The following RAP1B variants were observed in gnomAD, a reference collection of about 807,000 sequenced individuals.
RAP1B encodes the protein ras-related protein Rap-1b.
RAP1B carries 1 observed loss-of-function variant against 27.5 expected under a neutral mutation model. The ratio of observed to expected loss-of-function variants is 0.04; its 90% confidence interval spans 0.01 to 0.17. The LOEUF (loss-of-function observed/expected upper bound fraction) is 0.17, where lower values mean the gene tolerates loss of function less well. Among genes scored for constraint, RAP1B ranks in the 10% least tolerant of loss-of-function variants. RAP1B has a pLI of 1.00. For synonymous variants in RAP1B, 75 were observed against 73.1 expected, an observed-to-expected ratio of 1.03 and a Z score of -0.13; for missense variants, 84 against 214.8, an observed-to-expected ratio of 0.39 and a Z score of 3.81.
At chr12:68,632,630 G>C (rs573532024) in intron 1 of RAP1B, among the ~76,000 whole-genome samples, 41 of 152,122 alleles carry the variant, frequency 2.7e-4, no homozygotes, top group African/African-American at 9.6e-4. Context: ...CAGTAGGTTT[G>C]GTTTATGGTT....
intron 1 of RAP1B, among the ~76,000 whole-genome samples, chr12:68,623,452 T>G (rs995787406): frequency 2.0e-5 from 3 of 152,342 alleles, no homozygotes; most frequent in Non-Finnish European, 4.4e-5. Flanking sequence ...TATAGGGCCA[T>G]AATCCCTTAT....
intron 1 of RAP1B, among the ~76,000 whole-genome samples, chr12:68,634,063 A>C (rs557068482): frequency 6.1e-4 from 93 of 152,304 alleles, no homozygotes; most frequent in African/African-American, 1.9e-3. Flanking sequence ...AGACTTGATA[A>C]TGGAGTGAAG....
chr12:68,616,409 C>T (rs1290369924), intron 1 of RAP1B, among the ~76,000 whole-genome samples: 4 of 151,342 alleles, frequency 2.6e-5, no homozygotes, highest in Middle Eastern at 3.5e-3. Context: ...CTAAGCCTCC[C>T]GAGTAGCTGG....
intron 1 of RAP1B, among the ~76,000 whole-genome samples, chr12:68,645,956 CAG>C (rs1008077203): frequency 5.3e-5 from 8 of 151,980 alleles, no homozygotes; most frequent in African/African-American, 1.9e-4. Flanking sequence ...TTTTAATCAA[CAG>C]TAATAAATAA....
chr12:68,663,708 G>A lies in RAP1B; in HGVS notation c.*4459G>A, dbSNP rs1874726050. The A allele has an allele frequency of 6.6e-6, 1 of 152,138 alleles. No homozygotes were observed. The highest frequency in any genetic ancestry group is 1.5e-5 in the Non-Finnish European group (1 of 68,020). The allele number at this position is 152,138 out of a possible 1,614,324, so 9.4% of individuals were successfully genotyped here. On this transcript the variant is annotated 3_prime_UTR_variant, in exon 8 of 8. Transcript: ENST00000250559. The stretch of plus-strand genomic sequence containing the variant: ...AGGTTACTGACCTTAGGAATTACAG[G>A]CTTTATCCAAAATTAGGCATATCTA...
intron 1 of RAP1B, among the ~76,000 whole-genome samples, chr12:68,631,661 C>T (rs1020208770): frequency 1.3e-5 from 2 of 152,122 alleles, no homozygotes; most frequent in Non-Finnish European, 2.9e-5. Context: ...TTTGCTCTCA[C>T]TTTTCTTATC....
chr12:68,631,502 T>G (rs1872235387), intron 1 of RAP1B, among the ~76,000 whole-genome samples: 2 of 152,222 alleles, frequency 1.3e-5, no homozygotes, highest in African/African-American at 2.4e-5. Flanking sequence ...GAGTCAGAGC[T>G]CTTCACTGAT....
Position 68,624,078 on chromosome 12 carries a change from G to A in RAP1B, c.-27+13035G>A, listed in dbSNP as rs192348658. ...AATTGGTTTCAAATGAGTTAAAAAG[G>A]CTTTATTCATTACTGTTTGGAGAAG... is the stretch of plus-strand genomic sequence containing the variant. On this transcript the variant is annotated intron_variant, in intron 1 of 7. Coordinates refer to ENST00000250559, the MANE Select transcript of RAP1B (RefSeq NM_001010942.3). Among the ~76,000 whole-genome samples the A allele has an allele frequency of 5.3e-5, 8 of 152,162 alleles. No homozygotes were observed. In the East Asian group the frequency reaches 1.5e-3, roughly 29 times the overall value.
intron 4 of RAP1B, among the ~76,000 whole-genome samples, chr12:68,653,317 T>C (rs1298019039): frequency 6.6e-6 from 1 of 152,214 alleles, no homozygotes; most frequent in Non-Finnish European, 1.5e-5. Context: ...TCTCGGTGTA[T>C]GGTATTCATT....
intron 1 of RAP1B, among the ~76,000 whole-genome samples, chr12:68,627,615 C>T (rs1261051487): frequency 2.6e-5 from 4 of 152,132 alleles, no homozygotes; most frequent in African/African-American, 9.7e-5. Context: ...TGTGTAGCTC[C>T]TTACTTCACG....
At chr12:68,644,465 T>C (rs924033747) in intron 1 of RAP1B, among the ~76,000 whole-genome samples, 1 of 151,514 alleles carries the variant, frequency 6.6e-6, no homozygotes, top group African/African-American at 2.4e-5. Context: ...GCACCTGTAG[T>C]CCCAGCTACT....
intron 1 of RAP1B, among the ~76,000 whole-genome samples, chr12:68,632,841 A>G (rs1337941913): frequency 6.6e-6 from 1 of 152,122 alleles, no homozygotes; most frequent in Non-Finnish European, 1.5e-5. Flanking sequence ...TGTATGGGCT[A>G]ATGATTTTTT....
chr12:68,612,351 C>G (rs1273702931), intron 1 of RAP1B, among the ~76,000 whole-genome samples: 2 of 152,158 alleles, frequency 1.3e-5, no homozygotes, highest in African/African-American at 4.8e-5. Flanking sequence ...CATTTAACTT[C>G]AAGCCCATAT....
In RAP1B at chr12:68,665,209, T is replaced by C. The variant is rs750915333; in HGVS notation, c.*5960T>C. The C allele has an allele frequency of 2.0e-5, 3 of 152,266 alleles. No homozygotes were observed. Among genetic ancestry groups the C allele is most frequent in the Non-Finnish European group, 4.4e-5 (3 of 68,058 alleles). The allele number at this position is 152,266 out of a possible 1,614,324, so 9.4% of individuals were successfully genotyped here. On this transcript the variant is annotated 3_prime_UTR_variant, in exon 8 of 8. Transcript: ENST00000250559. Reference sequence around the variant, plus strand: ...GGTAGTTATGGGGAGACCTCTACTGTTCTAAATGAGACTAATAGTAAATGT... The same window carrying C: ...GGTAGTTATGGGGAGACCTCTACTGCTCTAAATGAGACTAATAGTAAATGT...
rs142639292 is a variant in RAP1B at position 68,630,746 on chromosome 12, C to T, written c.-26-17953C>T. ...AGGCTAGAGTGAAGTGGCGCTGTCA[C>T]AGCTCACTGCAACCTCAACCTCCCC... On this transcript the variant is annotated intron_variant, in intron 1 of 7. Coordinates refer to ENST00000250559, the MANE Select transcript of RAP1B (RefSeq NM_001010942.3). Among the ~76,000 whole-genome samples, 1,386 of 152,034 alleles carry T rather than the reference C, an allele frequency of 9.1e-3. 10 individuals carry two copies. The highest frequency in any genetic ancestry group is 0.019 in the South Asian group (91 of 4,814).
At position 68,662,309 on chromosome 12, in the gene RAP1B, A is replaced by G. The variant is rs911904532; in HGVS notation, c.*3060A>G. The G allele has an allele frequency of 6.6e-6, 1 of 152,032 alleles. No homozygotes were observed. Among genetic ancestry groups the G allele is most frequent in the African/African-American group, 2.4e-5 (1 of 41,518 alleles). The allele number at this position is 152,032 out of a possible 1,614,324, so 9.4% of individuals were successfully genotyped here. On this transcript the variant is annotated 3_prime_UTR_variant, in exon 8 of 8. Coordinates refer to ENST00000250559, the MANE Select transcript of RAP1B (RefSeq NM_001010942.3). Reference sequence around the variant, plus strand: ...TCACGTCCCCAAGGATACTTGAAGAAACTTGAGTTTTAGGAGAAAATCAGA... The same window carrying G: ...TCACGTCCCCAAGGATACTTGAAGAGACTTGAGTTTTAGGAGAAAATCAGA...
In RAP1B at chr12:68,645,093, A is replaced by G. The variant is rs1873310232; in HGVS notation, c.-26-3606A>G. Among the ~76,000 whole-genome samples the G allele has an allele frequency of 1.3e-5, 2 of 152,144 alleles. 1 individual carries two copies. The highest frequency in any genetic ancestry group is 4.1e-4 in the South Asian group (2 of 4,832). On this transcript the variant is annotated intron_variant, in intron 1 of 7. Coordinates refer to ENST00000250559, the MANE Select transcript of RAP1B (RefSeq NM_001010942.3). ...TCTTTCCTTATTCTTTCTTTAATTT[A>G]TTGATCACATATTTCAGGCACAGTT...
At chr12:68,624,261 G>T (rs945217984) in intron 1 of RAP1B, among the ~76,000 whole-genome samples, 5 of 152,116 alleles carry the variant, frequency 3.3e-5, no homozygotes, top group South Asian at 4.1e-4. Flanking sequence ...GCAGAGTCCA[G>T]TTAAATTTGG....
intron 1 of RAP1B, among the ~76,000 whole-genome samples, chr12:68,638,296 A>G (rs1872763237): frequency 1.3e-5 from 2 of 152,102 alleles, no homozygotes; most frequent in South Asian, 2.1e-4. Context: ...TATTTGTGGT[A>G]TTATTTGAAG....
Sources: allele counts gnomAD v4.1 joint callset (sites outside exome capture counted in the v4.1 genomes callset), GRCh38; gene constraint gnomAD v4.1.1; transcripts MANE v1.5; gene names NCBI Gene and HGNC (gene_info 2026-07-23, HGNC 2026-07-21).